Variants in WDFY1 observed in about 807,000 individuals in gnomAD.
WDFY1 encodes the protein WD repeat and FYVE domain-containing protein 1.
A neutral mutation model predicts 56.4 loss-of-function variants in WDFY1; 32 were observed. The observed-to-expected ratio is 0.57, with a 90% CI of 0.43 to 0.76. WDFY1 has a LOEUF of 0.76. WDFY1 is among the 30% of genes least tolerant of loss of function. The pLI, the probability that WDFY1 is intolerant of heterozygous loss-of-function variation, is 0.00. For missense variants in WDFY1, 480 were observed against 545.7 expected, an observed-to-expected ratio of 0.88 and a Z score of 1.20; for synonymous variants, 192 against 197.3, an observed-to-expected ratio of 0.97 and a Z score of 0.23.
chr2:223,916,031 G>A (rs1279589080), intron 2 of WDFY1, among the ~76,000 whole-genome samples: 4 of 152,130 alleles, frequency 2.6e-5, no homozygotes, highest in Non-Finnish European at 5.9e-5. Context: ...TTATGATCAG[G>A]TTTTCAAGAA....
chr2:223,945,125 C>T (rs1311783792), intron 1 of WDFY1, 23 bp downstream of exon 1: 2 of 1,570,924 alleles, frequency 1.3e-6, no homozygotes, highest in Non-Finnish European at 1.7e-6. Flanking sequence ...GTTCGGGCCG[C>T]CCCGGCTGCG....
chr2:223,926,552 T>C (rs1410733569), intron 1 of WDFY1, among the ~76,000 whole-genome samples: 1 of 152,226 alleles, frequency 6.6e-6, no homozygotes, highest in African/African-American at 2.4e-5. Context: ...TATGTCTCCA[T>C]CCTCAGAGTT....
At chr2:223,908,016 A>G (rs1284716686) in intron 3 of WDFY1, among the ~76,000 whole-genome samples, 1 of 150,332 alleles carries the variant, frequency 6.7e-6, no homozygotes, top group African/African-American at 2.5e-5. Context: ...ATGCCACCAC[A>G]CTAAGCTAAT....
In WDFY1 at chr2:223,901,321, C is replaced by T. The variant is rs1037944667; in HGVS notation, c.347G>A (p.Arg116Gln). 4.3e-6 allele frequency: 7 copies of T among 1,613,966 alleles called. No individual in the cohort carries two copies. Among genetic ancestry groups the T allele is most frequent in the African/African-American group, 2.7e-5 (2 of 74,900 alleles). Residue 116 changes from arginine (R) to glutamine (Q), a missense_variant, in exon 5 of 12, where the codon CGG becomes CAG. Physicochemically the swap from Arg to Gln is conservative, Grantham distance 43. Coordinates refer to ENST00000233055, the MANE Select transcript of WDFY1 (RefSeq NM_020830.5). ...CAAGCTGAAGATAATCGCAGACACC[C>T]GGTTCTGATGAGCTGCAGGAACAGA... ...FIKTYPAHQN[R>Q]VSAIIFSLAT...
chr2:223,881,932 A>C lies in WDFY1; in HGVS notation c.1064+10T>G, dbSNP rs1693080116. ...AAGAGGCAATGAGACAAAAATATGC[A>C]AACACTCACTCTTCATCTTTGATGG... On this transcript the variant is annotated intron_variant, in intron 10 of 11. Coordinates refer to ENST00000233055, the MANE Select transcript of WDFY1 (RefSeq NM_020830.5). The C allele has an allele frequency of 6.2e-7, 1 of 1,612,984 alleles. No individual in the cohort carries two copies. The highest frequency in any genetic ancestry group is 1.3e-5 in the African/African-American group (1 of 74,916).
rs1377414922 is a variant in WDFY1 at position 223,945,185 on chromosome 2, G to A, written c.100C>T (p.Pro34Ser). The change falls in exon 1 of 12, where the codon CCC becomes TCC. Residue 34 changes from proline (P) to serine (S), a missense_variant. Pro to Ser is a moderately conservative substitution (Grantham distance 74). Transcript: ENST00000233055. ...QDAVTAALLI[P>S]KEDGVITASE... Reference sequence around the variant, plus strand: ...GCCGTGATCACGCCGTCCTCCTTGGGGATGAGCAGCGCGGCCGTGACGGCG... The same window carrying A: ...GCCGTGATCACGCCGTCCTCCTTGGAGATGAGCAGCGCGGCCGTGACGGCG... 2 of 1,598,854 alleles carry A rather than the reference G, an allele frequency of 1.3e-6. No homozygotes were observed. The highest frequency in any genetic ancestry group is 1.7e-5 in the Admixed American group (1 of 59,478).
intron 9 of WDFY1, among the ~76,000 whole-genome samples, chr2:223,884,187 G>A (rs1693130883): frequency 6.6e-6 from 1 of 151,882 alleles, no homozygotes; most frequent in Admixed American, 6.6e-5. Context: ...AAATATTCCA[G>A]GTATGCTTAT....
intron 8 of WDFY1, among the ~76,000 whole-genome samples, chr2:223,888,901 C>CTT (rs71058955): frequency 6.5e-5 from 4 of 61,422 alleles, no homozygotes; most frequent in East Asian, 3.9e-4. Flanking sequence ...ATTCTCAACT[C>CTT]TTTTTTTTTT....
Position 223,945,324 on chromosome 2 carries a change from C to T in WDFY1, c.-40G>A. On this transcript the variant is annotated 5_prime_UTR_variant, in exon 1 of 12. Transcript: ENST00000233055. ...TGCTGCGGCCTCCTCGGCAGGCAGCCCATCAGCTGACGCCTGGGCGGGCGG... is the reference window on the plus strand; with the variant it reads ...TGCTGCGGCCTCCTCGGCAGGCAGCTCATCAGCTGACGCCTGGGCGGGCGG... 1 of 1,533,882 alleles carries T rather than the reference C, an allele frequency of 6.5e-7. No individual in the cohort carries two copies. The highest frequency in any genetic ancestry group is 8.7e-7 in the Non-Finnish European group (1 of 1,149,520).
At chr2:223,894,100 C>T in intron 8 of WDFY1, 134 bp downstream of exon 8, 1 of 759,300 alleles carries the variant, frequency 1.3e-6, no homozygotes, top group Non-Finnish European at 2.2e-6. Flanking sequence ...TCAGAAATAA[C>T]CCATTAGCAG....
At chr2:223,897,390 A>ATATATATATATATTTT (rs1461451983) in intron 6 of WDFY1, among the ~76,000 whole-genome samples, 1 of 125,994 alleles carries the variant, frequency 7.9e-6, no homozygotes, top group Non-Finnish European at 1.6e-5. Context: ...ATATATATAT[A>ATATATATATATATTTT]TTTTTTAAGA....
intron 6 of WDFY1, among the ~76,000 whole-genome samples, chr2:223,897,381 TATATA>T (rs1256054287): frequency 6.0e-4 from 34 of 56,350 alleles, no homozygotes; most frequent in Middle Eastern, 7.5e-3. Context: ...TATATATATA[TATATA>T]TATATTTTTT....
rs780620762 is a variant in WDFY1, at chr2:223,881,979, C to T, written c.1027G>A (p.Val343Ile). ...ATGGAGTCGTAACAAGAATCACAAA[C>T]CCGGACTTGGAACTCGAAGCCCATG... Reference protein sequence around the residue: ...PVMGFEFQVRVCDSCYDSIKD... With the variant: ...PVMGFEFQVRICDSCYDSIKD... Residue 343 changes from valine (V) to isoleucine (I), a missense_variant, in exon 10 of 12, where the codon GTT (valine) becomes ATT (isoleucine). Physicochemically the swap from Val to Ile is conservative, Grantham distance 29 (BLOSUM62 3). Coordinates refer to ENST00000233055, the MANE Select transcript of WDFY1 (RefSeq NM_020830.5). The T allele has an allele frequency of 3.7e-6, 6 of 1,614,010 alleles. No homozygotes were observed. In the East Asian group the frequency reaches 1.1e-4, roughly 30 times the overall value.
At chr2:223,880,046 G>C in intron 11 of WDFY1, 78 bp downstream of exon 11, 1 of 1,238,928 alleles carries the variant, frequency 8.1e-7, no homozygotes, top group Non-Finnish European at 1.2e-6. Context: ...GTCAGAAAGA[G>C]TGACTGTCTC....
At chr2:223,914,819 T>C (rs1421225905) in intron 2 of WDFY1, among the ~76,000 whole-genome samples, 3 of 152,226 alleles carry the variant, frequency 2.0e-5, no homozygotes, top group Non-Finnish European at 2.9e-5. Flanking sequence ...ACAGTAAAGA[T>C]AGAAGCCAAG....
chr2:223,905,818 T>C (rs1465199416), intron 4 of WDFY1, 129 bp downstream of exon 4: 1 of 585,772 alleles, frequency 1.7e-6, no homozygotes, highest in Non-Finnish European at 2.7e-6. Flanking sequence ...AAGACAAGTC[T>C]CTTGCATAGT....
intron 8 of WDFY1, among the ~76,000 whole-genome samples, chr2:223,892,445 C>A (rs982931882): frequency 3.9e-5 from 6 of 152,134 alleles, no homozygotes; most frequent in Admixed American, 2.6e-4. Context: ...ACAATCAGTA[C>A]GTCTCTGTAT....
rs77632622 is a variant in WDFY1, at chr2:223,891,930, G to A, written c.831+2304C>T. Among the ~76,000 whole-genome samples, 289 of 152,164 alleles carry A rather than the reference G, an allele frequency of 1.9e-3. 1 individual carries two copies. The highest frequency in any genetic ancestry group is 6.7e-3 in the African/African-American group (280 of 41,520). ...AGCTGATAAACGTAAAACACAGTTC[G>A]AATAAATCTTTGCAAATATAGTATT... On this transcript the variant is annotated intron_variant, in intron 8 of 11. Transcript: ENST00000233055.
intron 1 of WDFY1, among the ~76,000 whole-genome samples, chr2:223,938,621 T>C (rs1689242724): frequency 6.6e-6 from 1 of 152,042 alleles, no homozygotes; most frequent in African/African-American, 2.4e-5. Flanking sequence ...TCCATAAAGG[T>C]TTCTAAGCAG....
Sources: gnomAD v4.1 joint callset for allele counts (sites outside exome capture counted in the v4.1 genomes callset) on GRCh38, gnomAD v4.1.1 for gene constraint, MANE v1.5 for transcripts, NCBI Gene and HGNC (gene_info 2026-07-23, HGNC 2026-07-21) for gene names.